RIMS1: variants seen among roughly 807,000 people sequenced by gnomAD.
RIMS1 encodes the protein regulating synaptic membrane exocytosis protein 1.
Under a neutral mutation model 214.1 loss-of-function variants are expected in RIMS1, and 83 were observed. The observed-to-expected ratio is 0.39, with a 90% CI of 0.32 to 0.47. The LOEUF (loss-of-function observed/expected upper bound fraction) is 0.47, where lower values mean the gene tolerates loss of function less well. RIMS1 is among the 20% of genes least tolerant of loss of function. The pLI, the probability that RIMS1 is intolerant of heterozygous loss-of-function variation, is 0.99. For missense variants in RIMS1, 2,050 were observed against 2,161.8 expected, an observed-to-expected ratio of 0.95 and a Z score of 1.03; for synonymous variants, 793 against 786.8, an observed-to-expected ratio of 1.01 and a Z score of -0.13.
At chr6:72,019,746 G>A (rs1813997078) in intron 2 of RIMS1, among the ~76,000 whole-genome samples, 1 of 152,084 alleles carries the variant, frequency 6.6e-6, no homozygotes, top group Non-Finnish European at 1.5e-5. Flanking sequence ...GGCTCCGTGG[G>A]AATGTGGGTC....
intron 2 of RIMS1, among the ~76,000 whole-genome samples, chr6:72,010,046 A>C (rs1452795492): frequency 3.3e-5 from 5 of 152,348 alleles, no homozygotes; most frequent in African/African-American, 1.2e-4. Flanking sequence ...ATTTTAGACC[A>C]ATATCCCTGA....
At chr6:72,302,496 CT>C (rs1012589686) in intron 26 of RIMS1, among the ~76,000 whole-genome samples, 1 of 150,290 alleles carries the variant, frequency 6.7e-6, no homozygotes, top group African/African-American at 2.4e-5. Context: ...TTAATCTCAG[CT>C]TTTTTTTTCC....
At chr6:71,980,056 G>GTGAATCAC (rs2151468918) in intron 2 of RIMS1, among the ~76,000 whole-genome samples, 1 of 152,242 alleles carries the variant, frequency 6.6e-6, no homozygotes, top group South Asian at 2.1e-4. Context: ...TGGTTACTCT[G>GTGAATCAC]TGAATCACTG....
At chr6:72,305,370 T>C (rs1056616209) in intron 26 of RIMS1, among the ~76,000 whole-genome samples, 3 of 152,122 alleles carry the variant, frequency 2.0e-5, no homozygotes, top group African/African-American at 7.2e-5. Flanking sequence ...GTTAATATCA[T>C]TTTATGAGAA....
chr6:72,108,219 G>A (rs1304453895), intron 4 of RIMS1, among the ~76,000 whole-genome samples: 4 of 151,662 alleles, frequency 2.6e-5, no homozygotes, highest in East Asian at 1.9e-4. Flanking sequence ...CCTGCAGCTG[G>A]GACTACAGGT....
rs189233976 is a variant in RIMS1 at position 72,156,652 on chromosome 6, A to G, written c.472-22923A>G. Among the ~76,000 whole-genome samples the G allele has an allele frequency of 8.1e-4, 114 of 140,594 alleles. 20 individuals carry two copies. The South Asian group carries it at 0.012, about 15-fold the overall frequency. The allele number at this position is 140,594 out of a possible 152,430, so 92.2% of individuals were successfully genotyped here. A position where few individuals can be genotyped will look rare whatever the true frequency, so the allele number is the denominator to read the frequency against. On this transcript the variant is annotated intron_variant, in intron 4 of 33. Transcript: ENST00000521978. ...TCCCCACACAGGCGGAGAAAAGATA[A>G]CTACTACTACTTAAGGTAATGGATA...
chr6:71,976,007 T>C (rs1797042445), intron 2 of RIMS1, among the ~76,000 whole-genome samples: 3 of 152,138 alleles, frequency 2.0e-5, no homozygotes, highest in Admixed American at 2.0e-4. Flanking sequence ...ATTAATAATA[T>C]TGCTATTAGC....
Position 72,001,264 on chromosome 6 carries a change from A to G in RIMS1, c.245+32201A>G, listed in dbSNP as rs2151728375. 2.0e-5 allele frequency among the ~76,000 whole-genome samples: 3 copies of G among 152,208 alleles called. No individual in the cohort carries two copies. The South Asian group carries it at 6.2e-4, about 31-fold the overall frequency. ...TCATGCTCTTCCAGTCTTCATCCTC[A>G]TGCATTCTTACACATCGATATATTT... On this transcript the variant is annotated intron_variant, in intron 2 of 33. Transcript: ENST00000521978.
At chr6:71,951,478 C>CTTTTTCTTTTTCTTTTTTTT (rs1237497676) in intron 1 of RIMS1, among the ~76,000 whole-genome samples, 2 of 128,858 alleles carry the variant, frequency 1.6e-5, no homozygotes, top group African/African-American at 6.0e-5. Context: ...TTTTCTTTTT[C>CTTTTTCTTTTTCTTTTTTTT]TTTTTTTTTT....
At chr6:72,068,598 A>G (rs1829857664) in intron 2 of RIMS1, among the ~76,000 whole-genome samples, 1 of 152,168 alleles carries the variant, frequency 6.6e-6, no homozygotes, top group Non-Finnish European at 1.5e-5. Context: ...ATCATCAATG[A>G]TGAACAAGAA....
chr6:72,340,031 G>T (rs1297986623), intron 29 of RIMS1, among the ~76,000 whole-genome samples: 1 of 151,950 alleles, frequency 6.6e-6, no homozygotes, highest in East Asian at 1.9e-4. Context: ...TTCTCTGATG[G>T]CCAGTGATGA....
intron 23 of RIMS1, among the ~76,000 whole-genome samples, chr6:72,281,888 G>A (rs1007761133): frequency 1.3e-5 from 2 of 151,922 alleles, no homozygotes; most frequent in Admixed American, 6.6e-5. Context: ...GTACTTGTTT[G>A]AGCTACTTTT....
rs1394333237 is a variant in RIMS1, at chr6:72,121,803, TC to T, written c.471+21818del. On this transcript the variant is annotated intron_variant, in intron 4 of 33. Coordinates refer to ENST00000521978, the MANE Select transcript of RIMS1 (RefSeq NM_014989.7). Reference sequence around the variant, plus strand: ...TGGCTGTGGGTTTGTCATAAATAGTTCTTATTATTTTGAGATATGTCCTATC... The same window carrying T: ...TGGCTGTGGGTTTGTCATAAATAGTTTTATTATTTTGAGATATGTCCTATC... Among the ~76,000 whole-genome samples the T allele has an allele frequency of 1.3e-5, 2 of 151,870 alleles. 1 individual carries two copies. The highest frequency in any genetic ancestry group is 2.9e-5 in the Non-Finnish European group (2 of 67,858).
chr6:72,342,626 GGTGTGTGTGTGT>G, intron 29 of RIMS1, among the ~76,000 whole-genome samples: 1 of 145,972 alleles, frequency 6.9e-6, no homozygotes, highest in East Asian at 2.0e-4. Flanking sequence ...GAGTAAGATG[GGTGTGTGTGTGT>G]GTGTGTGTGT....
chr6:72,150,764 T>G (rs1453523689), intron 4 of RIMS1, among the ~76,000 whole-genome samples: 1 of 152,206 alleles, frequency 6.6e-6, no homozygotes, highest in Non-Finnish European at 1.5e-5. Context: ...TGACTTTTTG[T>G]TTTCCTTTCC....
chr6:71,920,485 CA>C (rs35569242), intron 1 of RIMS1, among the ~76,000 whole-genome samples: 2 of 151,464 alleles, frequency 1.3e-5, no homozygotes, highest in Admixed American at 6.6e-5. Flanking sequence ...TAAAAATGAC[CA>C]AAAAAAATCC....
rs2076679960 is a variant in RIMS1 at position 72,258,278 on chromosome 6, A to G, written c.2924A>G (p.Gln975Arg). The change falls in exon 17 of 34, where the codon CAG (glutamine) becomes CGG (arginine). Residue 975 changes from glutamine to arginine, a missense_variant. Coordinates refer to ENST00000521978, the MANE Select transcript of RIMS1 (RefSeq NM_014989.7). ...PRSRLPNVPL[Q>R]RSLDEIHPTR... ...TCACGTTTACCAAATGTGCCATTAC[A>G]GAGGTAGGCTTTGAAATGGGCTCAG... 1 of 1,613,000 alleles carries G rather than the reference A, an allele frequency of 6.2e-7. No homozygotes were observed. Among genetic ancestry groups the G allele is most frequent in the Non-Finnish European group, 8.5e-7 (1 of 1,179,336 alleles).
rs759825930 is a variant in RIMS1 at position 72,097,104 on chromosome 6, A to G, written c.401A>G (p.Tyr134Cys). The part of the protein sequence containing the change: ...FADGCGHLCS[Y>C]CRTKFCARCG... The stretch of plus-strand genomic sequence containing the variant: ...GATGGGTGCGGTCATCTCTGCTCCT[A>G]TTGTCGCACTAAGTTCTGTGCGCGC... Residue 134 changes from tyrosine to cysteine, a missense_variant, in exon 3 of 34, where the codon TAT becomes TGT. Around this residue, in one of 6 missense-constraint regions of RIMS1, gnomAD observed 882 missense variants for 828.9 expected, o/e 1.06. Transcript: ENST00000521978. 5 of 1,613,828 alleles carry G rather than the reference A, an allele frequency of 3.1e-6. No individual in the cohort carries two copies. In the African/African-American group the frequency reaches 6.7e-5, roughly 22 times the overall value.
chr6:72,352,342 A>T (rs1564413567), intron 29 of RIMS1, among the ~76,000 whole-genome samples: 1 of 152,212 alleles, frequency 6.6e-6, no homozygotes, highest in Non-Finnish European at 1.5e-5. Flanking sequence ...AACAGGTACC[A>T]TTATTATCAT....
Sources: allele counts gnomAD v4.1 joint callset (sites outside exome capture counted in the v4.1 genomes callset), GRCh38; gene constraint gnomAD v4.1.1; regional missense constraint gnomAD v4.1.1; transcripts MANE v1.5; gene names NCBI Gene and HGNC (gene_info 2026-07-23, HGNC 2026-07-21).